The following ITGA8 variants were observed in gnomAD, a reference collection of about 807,000 sequenced individuals.
The protein encoded by ITGA8 is integrin subunit alpha 8.
In ITGA8, 91 loss-of-function variants were observed where a neutral mutation model predicts 142.3. The observed-to-expected ratio is 0.64, with a 90% confidence interval of 0.54 to 0.76. The LOEUF is 0.76. ITGA8 is among the 30% of genes least tolerant of loss of function. The pLI, the probability that ITGA8 is intolerant of heterozygous loss-of-function variation, is 0.00. For missense variants in ITGA8, 1,406 were observed against 1,327.7 expected (o/e 1.06, Z -0.92); for synonymous variants, 505 against 485.2 (o/e 1.04, Z -0.54).
At chr10:15,531,888 T>C (rs1011887671) in intron 27 of ITGA8, among the ~76,000 whole-genome samples, 2 of 151,886 alleles carry the variant, frequency 1.3e-5, no homozygotes, top group Non-Finnish European at 2.9e-5. Flanking sequence ...CAGGTTGCAG[T>C]GAGCTGAGAG....
rs117221041 is a variant in ITGA8, at chr10:15,629,916, A to G, written c.1400-13357T>C. On this transcript the variant is annotated intron_variant, in intron 13 of 29. Transcript: ENST00000378076. Reference sequence around the variant, plus strand: ...GCACCCCAGTCTTGGTGACAGAGCAAGACTTAAACAAACAACAATAAAAAA... The same window carrying G: ...GCACCCCAGTCTTGGTGACAGAGCAGGACTTAAACAAACAACAATAAAAAA... 1.1e-3 allele frequency among the ~76,000 whole-genome samples: 162 copies of G among 152,220 alleles called. 1 individual carries two copies. The East Asian group carries it at 0.029, about 27-fold the overall frequency.
At chr10:15,707,563 C>A (rs1476062116) in intron 2 of ITGA8, among the ~76,000 whole-genome samples, 2 of 152,102 alleles carry the variant, frequency 1.3e-5, no homozygotes, top group Non-Finnish European at 2.9e-5. Flanking sequence ...TGGCTCACAC[C>A]TTTAATCCCA....
chr10:15,603,682 A>G (rs1244885128), intron 20 of ITGA8, among the ~76,000 whole-genome samples: 1 of 152,212 alleles, frequency 6.6e-6, no homozygotes, highest in Non-Finnish European at 1.5e-5. Context: ...AATGAGGAAG[A>G]CCAGGCTGTT....
intron 13 of ITGA8, among the ~76,000 whole-genome samples, chr10:15,620,134 C>T (rs10752025): frequency 0.67 from 102,314 of 152,104 alleles, 35,637 homozygotes; most frequent in South Asian, 0.86. Flanking sequence ...AGGCACAGTG[C>T]CAGATGCAGA....
At chr10:15,555,838 G>A (rs2131564718) in intron 26 of ITGA8, among the ~76,000 whole-genome samples, 1 of 151,782 alleles carries the variant, frequency 6.6e-6, no homozygotes, top group South Asian at 2.1e-4. Flanking sequence ...TGGGACTACA[G>A]GCACCCACCA....
Position 15,684,008 on chromosome 10 carries a change from C to G in ITGA8, c.564G>C (p.Arg188=). The part of the protein sequence containing the change: ...FSAYAEFSPC[R]NSNADPEGQG... The stretch of plus-strand genomic sequence containing the variant: ...CAAGGAATAAAAGTTGCTTACTGTT[C>G]CGGCAAGGAGAGAACTCGGCATAGG... Residue 188 remains arginine (R), a synonymous_variant, in exon 4 of 30, where the codon CGG becomes CGC. Transcript: ENST00000378076. 6 of 1,613,984 alleles carry G rather than the reference C, an allele frequency of 3.7e-6. No individual in the cohort carries two copies. Among genetic ancestry groups the G allele is most frequent in the Non-Finnish European group, 5.1e-6 (6 of 1,179,976 alleles).
chr10:15,575,922 C>G lies in ITGA8; in HGVS notation c.2373-328G>C, dbSNP rs116069711. Reference sequence around the variant, plus strand: ...TACATATATAAATATATACATCCATCTATTTCACATGTGAGAACGTGTGTG... The same window carrying G: ...TACATATATAAATATATACATCCATGTATTTCACATGTGAGAACGTGTGTG... On this transcript the variant is annotated intron_variant, in intron 23 of 29. Transcript: ENST00000378076. 3.9e-3 allele frequency among the ~76,000 whole-genome samples: 579 copies of G among 149,496 alleles called. 6 individuals carry two copies. Among genetic ancestry groups the G allele is most frequent in the African/African-American group, 0.013 (548 of 40,686 alleles).
rs1833940829 is a variant in ITGA8 at position 15,644,489 on chromosome 10, TATAGA to T, written c.1208-273_1208-269del. ...ATATATATATATATATATATATATATATAGAATTTTTTTTTTTTTTTGAGCAATGG... is the reference window on the plus strand; with the variant it reads ...ATATATATATATATATATATATATATATTTTTTTTTTTTTTTGAGCAATGG... On this transcript the variant is annotated intron_variant, in intron 12 of 29. Transcript: ENST00000378076. 1.9e-4 allele frequency among the ~76,000 whole-genome samples: 4 copies of T among 21,356 alleles called. 1 individual carries two copies. Among genetic ancestry groups the T allele is most frequent in the Non-Finnish European group, 4.2e-4 (3 of 7,064 alleles). The allele number at this position is 21,356 out of a possible 152,430, so 14.0% of individuals were successfully genotyped here.
At chr10:15,577,945 GT>G (rs1834330735) in intron 23 of ITGA8, among the ~76,000 whole-genome samples, 1 of 152,178 alleles carries the variant, frequency 6.6e-6, no homozygotes, top group East Asian at 1.9e-4. Flanking sequence ...CAAGGAATTA[GT>G]TTTTTTAAAA....
At chr10:15,526,452 A>T (rs1833176550) in intron 28 of ITGA8, among the ~76,000 whole-genome samples, 1 of 152,196 alleles carries the variant, frequency 6.6e-6, no homozygotes, top group East Asian at 1.9e-4. Flanking sequence ...CTGGGATTAC[A>T]GATGTGAGCC....
intron 26 of ITGA8, among the ~76,000 whole-genome samples, chr10:15,550,329 G>T (rs993412753): frequency 2.0e-5 from 3 of 152,118 alleles, no homozygotes; most frequent in Non-Finnish European, 4.4e-5. Flanking sequence ...ACCAATACAG[G>T]TACCCACAGC....
intron 2 of ITGA8, among the ~76,000 whole-genome samples, chr10:15,700,810 A>T (rs1003786106): frequency 6.6e-6 from 1 of 152,128 alleles, no homozygotes; most frequent in African/African-American, 2.4e-5. Flanking sequence ...CTAAGCCACC[A>T]GTTCTGTCTA....
intron 11 of ITGA8, among the ~76,000 whole-genome samples, chr10:15,647,651 A>G (rs1035865419): frequency 5.3e-5 from 8 of 150,862 alleles, no homozygotes; most frequent in African/African-American, 1.9e-4. Context: ...TTTAGTAGAG[A>G]CGGGGTTTCA....
At chr10:15,550,244 G>T (rs768433182) in intron 26 of ITGA8, among the ~76,000 whole-genome samples, 2 of 152,138 alleles carry the variant, frequency 1.3e-5, no homozygotes, top group Non-Finnish European at 1.5e-5. Flanking sequence ...ATGTGGAATC[G>T]TGAGCCCATT....
intron 3 of ITGA8, among the ~76,000 whole-genome samples, chr10:15,686,057 C>T (rs1834828635): frequency 6.6e-6 from 1 of 152,134 alleles, no homozygotes; most frequent in Admixed American, 6.5e-5. Context: ...AAGACAGAAT[C>T]GTAGAACACA....
At chr10:15,547,958 CTT>C (rs9333234) in intron 27 of ITGA8, among the ~76,000 whole-genome samples, 6 of 152,160 alleles carry the variant, frequency 3.9e-5, no homozygotes, top group African/African-American at 1.4e-4. Context: ...TTTAAACTGT[CTT>C]TACCTGCTGG....
chr10:15,603,446 GA>G (rs1833138566), intron 20 of ITGA8, among the ~76,000 whole-genome samples: 1 of 152,194 alleles, frequency 6.6e-6, no homozygotes, highest in Non-Finnish European at 1.5e-5. Flanking sequence ...AAGGAAACGT[GA>G]AACTTGGGCT....
At chr10:15,595,882 G>C (rs532098487) in intron 21 of ITGA8, among the ~76,000 whole-genome samples, 1 of 152,006 alleles carries the variant, frequency 6.6e-6, no homozygotes, top group South Asian at 2.1e-4. Flanking sequence ...CCTGGCCCCC[G>C]TCTCTACTAA....
chr10:15,662,364 C>G lies in ITGA8; in HGVS notation c.848-1442G>C, dbSNP rs372497477. On this transcript the variant is annotated intron_variant, in intron 8 of 29. Transcript: ENST00000378076. Reference sequence around the variant, plus strand: ...TTTTTTTTTTTTTTTTAAACAGGGTCTTATTCTGTTGCCCAGCCTGGAGTG... The same window carrying G: ...TTTTTTTTTTTTTTTTAAACAGGGTGTTATTCTGTTGCCCAGCCTGGAGTG... Among the ~76,000 whole-genome samples, 76 of 65,580 alleles carry G rather than the reference C, an allele frequency of 1.2e-3. 1 individual carries two copies. The highest frequency in any genetic ancestry group is 4.2e-3 in the African/African-American group (64 of 15,404). The allele number at this position is 65,580 out of a possible 152,430, so 43.0% of individuals were successfully genotyped here. A position where few individuals can be genotyped will look rare whatever the true frequency, so the allele number is the denominator to read the frequency against.
Sources: gnomAD v4.1 joint callset for allele counts (sites outside exome capture counted in the v4.1 genomes callset) on GRCh38, gnomAD v4.1.1 for gene constraint, MANE v1.5 for transcripts, NCBI Gene and HGNC (gene_info 2026-07-23, HGNC 2026-07-21) for gene names.